The following SNX22 variants were observed in gnomAD, a reference collection of about 807,000 sequenced individuals.
SNX22 encodes the protein sorting nexin 22.
In SNX22, 23 loss-of-function variants were observed where a neutral mutation model predicts 24.7. The ratio of observed to expected loss-of-function variants is 0.93; its 90% CI spans 0.67 to 1.32. SNX22 has a LOEUF of 1.32. SNX22 is among the 40% of genes most tolerant of loss of function. SNX22 has a pLI of 0.00. For synonymous variants in SNX22, 99 were observed against 104.0 expected (o/e 0.95, Z 0.29); for missense variants, 261 against 249.9 (o/e 1.04, Z -0.30).
In SNX22 at chr15:64,156,919, A is replaced by AAGAC; in HGVS notation, c.*2415_*2418dup. On this transcript the variant is annotated 3_prime_UTR_variant, in exon 7 of 7. Coordinates refer to ENST00000325881, the MANE Select transcript of SNX22 (RefSeq NM_024798.3). This position sits in a 1 kb window ranked among gnomAD's most constrained non-coding sequence, Gnocchi z 6.4. ...CCGTAGATGCTCTTTCCTGGGAAAA[A>AAGAC]AGACAGAGCAGGTCAGGGGCGCTGG... is the stretch of plus-strand genomic sequence containing the variant. 1 of 1,613,952 alleles carries AAGAC rather than the reference A, an allele frequency of 6.2e-7. No individual in the cohort carries two copies. Among genetic ancestry groups the AAGAC allele is most frequent in the Non-Finnish European group, 8.5e-7 (1 of 1,179,912 alleles).
intron 6 of SNX22, 127 bp from the exon 7 acceptor site, chr15:64,154,260 T>C (rs2081510205): frequency 1.3e-6 from 2 of 1,579,462 alleles, no homozygotes; most frequent in African/African-American, 1.4e-5. Context: ...GAGGCTTCAT[T>C]TGGGGTGGAC....
chr15:64,152,266 C>T lies in SNX22; in HGVS notation c.99C>T (p.Cys33=). The change falls in exon 2 of 7, where the codon TGC becomes TGT. Residue 33 remains cysteine (C), a synonymous_variant. Transcript: ENST00000325881. The stretch of plus-strand genomic sequence containing the variant: ...AGGTGTTCCGAGTGGAGGTGCTGTG[C>T]AGCGGGCGCAGACACACGGTGCCAA... ...SHMVFRVEVL[C]SGRRHTVPRR... is the part of the protein sequence containing the mutation. 6.8e-7 allele frequency: 1 copy of T among 1,472,056 alleles called. No individual in the cohort carries two copies. Among genetic ancestry groups the T allele is most frequent in the South Asian group, 1.3e-5 (1 of 75,526 alleles). The allele number at this position is 1,472,056 out of a possible 1,614,324, so 91.2% of individuals were successfully genotyped here.
At chr15:64,153,783 TGAA>T in intron 5 of SNX22, 99 bp downstream of exon 5, 1 of 1,599,436 alleles carries the variant, frequency 6.3e-7, no homozygotes, top group South Asian at 1.1e-5. Flanking sequence ...GCCTGGGCCC[TGAA>T]GTCTGTTTTC....
At position 64,154,881 on chromosome 15, in the gene SNX22, T is replaced by C. The variant is rs2140178668; in HGVS notation, c.*373T>C. 1 of 153,640 alleles carries C rather than the reference T, an allele frequency of 6.5e-6. No homozygotes were observed. The allele number at this position is 153,640 out of a possible 1,614,324, so 9.5% of individuals were successfully genotyped here. A position where few individuals can be genotyped will look rare whatever the true frequency, so the allele number is the denominator to read the frequency against. On this transcript the variant is annotated 3_prime_UTR_variant, in exon 7 of 7. Coordinates refer to ENST00000325881, the MANE Select transcript of SNX22 (RefSeq NM_024798.3). ...GGAGAAACCCCGTCTCTACTAAAAATACAAAATTAGCCGGGCATTGTGGTG... is the reference window on the plus strand; with the variant it reads ...GGAGAAACCCCGTCTCTACTAAAAACACAAAATTAGCCGGGCATTGTGGTG...
In SNX22 at chr15:64,153,665, T is replaced by C. The variant is rs1418573631; in HGVS notation, c.373T>C (p.Phe125Leu). ...KASNWGTLRE[F>L]LPGDSSSQQH... ...TCTTCTCTTCAGCACCCTGAGGGAG[T>C]TCCTGCCTGGCGACAGCAGGCAAGT... is the stretch of plus-strand genomic sequence containing the variant. Residue 125 changes from phenylalanine (F) to leucine (L), a missense_variant, in exon 5 of 7, where the codon TTC becomes CTC. Physicochemically the swap from Phe to Leu is conservative, Grantham distance 22 (BLOSUM62 0). Transcript: ENST00000325881. The C allele has an allele frequency of 1.2e-6, 2 of 1,613,814 alleles. No individual in the cohort carries two copies. Among genetic ancestry groups the C allele is most frequent in the Non-Finnish European group, 1.7e-6 (2 of 1,179,988 alleles).
At position 64,153,696 on chromosome 15, in the gene SNX22, C is replaced by T. The variant is rs1427899219; in HGVS notation, c.392+12C>T. On this transcript the variant is annotated intron_variant, in intron 5 of 6. Transcript: ENST00000325881. ...CCTGGCGACAGCAGGCAAGTCAAAGCCCTAGCCCGCGCTTGGCCCCTGCTG... is the reference window on the plus strand; with the variant it reads ...CCTGGCGACAGCAGGCAAGTCAAAGTCCTAGCCCGCGCTTGGCCCCTGCTG... The T allele has an allele frequency of 6.2e-7, 1 of 1,614,074 alleles. No homozygotes were observed. The highest frequency in any genetic ancestry group is 8.5e-7 in the Non-Finnish European group (1 of 1,179,998).
At chr15:64,152,427 C>T (rs2081493620) in intron 2 of SNX22, 101 bp downstream of exon 2, 1 of 1,313,790 alleles carries the variant, frequency 7.6e-7, no homozygotes, top group Admixed American at 2.3e-5. Flanking sequence ...TCCGCCACCC[C>T]CATTACTGCC....
At chr15:64,154,120 C>G in intron 6 of SNX22, 118 bp downstream of exon 6, 1 of 1,607,086 alleles carries the variant, frequency 6.2e-7, no homozygotes. Flanking sequence ...GCCACTACCT[C>G]CTGCTCCTGT....
Position 64,156,557 on chromosome 15 carries a change from C to G in SNX22, c.*2049C>G. 2 of 880,656 alleles carry G rather than the reference C, an allele frequency of 2.3e-6. No individual in the cohort carries two copies. Among genetic ancestry groups the G allele is most frequent in the Non-Finnish European group, 3.7e-6 (2 of 535,428 alleles). The allele number at this position is 880,656 out of a possible 1,614,324, so 54.6% of individuals were successfully genotyped here. Reference sequence around the variant, plus strand: ...CTGAGGGGGCTGGAAGAATTTAGAACCTTGGAGGCATGGAGGTACAGGGTT... The same window carrying G: ...CTGAGGGGGCTGGAAGAATTTAGAAGCTTGGAGGCATGGAGGTACAGGGTT... On this transcript the variant is annotated 3_prime_UTR_variant, in exon 7 of 7. Transcript: ENST00000325881. This position sits in a 1 kb window ranked among gnomAD's most constrained non-coding sequence, Gnocchi z 6.4.
rs764385932 is a variant in SNX22 at position 64,152,350 on chromosome 15, C to A, written c.159+24C>A. On this transcript the variant is annotated intron_variant, in intron 2 of 6. Coordinates refer to ENST00000325881, the MANE Select transcript of SNX22 (RefSeq NM_024798.3). ...GGGTGAGGCGGCGCCGACCTCCCAC[C>A]GGCCCCGGCCCAGCCTCTGTCCAGC... The A allele has an allele frequency of 8.7e-6, 13 of 1,494,846 alleles. No homozygotes were observed. In the South Asian group the frequency reaches 1.4e-4, roughly 16 times the overall value. The allele number at this position is 1,494,846 out of a possible 1,614,324, so 92.6% of individuals were successfully genotyped here.
At chr15:64,152,007 T>G in intron 1 of SNX22, 157 bp downstream of exon 1, 1 of 838,306 alleles carries the variant, frequency 1.2e-6, no homozygotes, top group Non-Finnish European at 1.7e-6. Context: ...CGCTTGGATT[T>G]GCCAGCCTCG....
rs2081511101 is a variant in SNX22, at chr15:64,154,380, C to T, written c.461-7C>T. 1 of 1,613,978 alleles carries T rather than the reference C, an allele frequency of 6.2e-7. No homozygotes were observed. Among genetic ancestry groups the T allele is most frequent in the African/African-American group, 1.3e-5 (1 of 74,922 alleles). On this transcript the variant is annotated splice_region_variant and splice_polypyrimidine_tract_variant and intron_variant, in intron 6 of 6. Coordinates refer to ENST00000325881, the MANE Select transcript of SNX22 (RefSeq NM_024798.3). ...TGAGGCCAGACCTGTTTAATTCTAT[C>T]CCACAGAGTCGCTGCCCAACGTGGT...
rs2241995 is a variant in SNX22 at position 64,156,970 on chromosome 15, G to A, written c.*2462G>A. 1.4e-3 allele frequency: 2,173 copies of A among 1,562,026 alleles called. 16 individuals are homozygous for A. In the East Asian group the frequency reaches 0.018, roughly 13 times the overall value. On this transcript the variant is annotated 3_prime_UTR_variant, in exon 7 of 7. Coordinates refer to ENST00000325881, the MANE Select transcript of SNX22 (RefSeq NM_024798.3). The surrounding 1 kb of genome is among the most constrained non-coding windows in gnomAD (Gnocchi z 6.4). ...ATTGCGCCAAACCAAGCAGACATTC[G>A]GGGCCAGGACTGAGGGGGCTTAACC...
chr15:64,153,664 G>T lies in SNX22; in HGVS notation c.372G>T (p.Glu124Asp), dbSNP rs1264867914. ...CTCTTCTCTTCAGCACCCTGAGGGA[G>T]TTCCTGCCTGGCGACAGCAGGCAAG... ...PKASNWGTLREFLPGDSSSQQ... is the reference protein window; with the variant it reads ...PKASNWGTLRDFLPGDSSSQQ... Residue 124 changes from glutamate (E) to aspartate (D), a missense_variant, in exon 5 of 7, where the codon GAG (glutamate) becomes GAT (aspartate). Coordinates refer to ENST00000325881, the MANE Select transcript of SNX22 (RefSeq NM_024798.3). 1 of 1,614,102 alleles carries T rather than the reference G, an allele frequency of 6.2e-7. No individual in the cohort carries two copies. The highest frequency in any genetic ancestry group is 1.1e-5 in the South Asian group (1 of 91,080).
Position 64,156,095 on chromosome 15 carries a change from G to A in SNX22, c.*1587G>A. ...AGTCTGCGATGATCACATCCTTCAGGGGTTTATCCCGGCTGTCTGTCTTGG... is the reference window on the plus strand; with the variant it reads ...AGTCTGCGATGATCACATCCTTCAGAGGTTTATCCCGGCTGTCTGTCTTGG... On this transcript the variant is annotated 3_prime_UTR_variant, in exon 7 of 7. Transcript: ENST00000325881. This position sits in a 1 kb window ranked among gnomAD's most constrained non-coding sequence, Gnocchi z 6.4. 1 of 1,614,148 alleles carries A rather than the reference G, an allele frequency of 6.2e-7. No individual in the cohort carries two copies. The highest frequency in any genetic ancestry group is 8.5e-7 in the Non-Finnish European group (1 of 1,180,026).
At chr15:64,153,605 C>G in intron 4 of SNX22, 47 bp from the exon 5 acceptor site, 2 of 1,613,122 alleles carry the variant, frequency 1.2e-6, no homozygotes, top group Non-Finnish European at 1.7e-6. Flanking sequence ...CTTCCTCACG[C>G]TCCCCCGGCA....
At chr15:64,154,318 C>A in intron 6 of SNX22, 69 bp from the exon 7 acceptor site, 6 of 1,601,752 alleles carry the variant, frequency 3.7e-6, no homozygotes, top group Non-Finnish European at 5.1e-6. Flanking sequence ...CAAGTGGGGG[C>A]TGAGCCCATG....
At chr15:64,153,837 C>T in intron 5 of SNX22, 98 bp from the exon 6 acceptor site, 2 of 1,592,204 alleles carry the variant, frequency 1.3e-6, no homozygotes, top group South Asian at 2.2e-5. Context: ...TCACCTTTTC[C>T]TTCATGGGTC....
Position 64,151,799 on chromosome 15 carries a change from G to A in SNX22, c.24G>A (p.Ser8=), listed in dbSNP as rs1192920765. ...GGATGCTGGAAGTTCACATCCCGTC[G>A]GTGGGGCCCGAGGCCGAGGGGCCCA... MLEVHIP[S]VGPEAEGPRQ... Residue 8 remains serine, a synonymous_variant, in exon 1 of 7, where the codon TCG becomes TCA. Coordinates refer to ENST00000325881, the MANE Select transcript of SNX22 (RefSeq NM_024798.3). 1.3e-6 allele frequency: 2 copies of A among 1,537,932 alleles called. No homozygotes were observed. Among genetic ancestry groups the A allele is most frequent in the African/African-American group, 2.8e-5 (2 of 71,530 alleles).
Sources: gnomAD v4.1 joint callset for allele counts on GRCh38, gnomAD v4.1.1 for gene constraint, Gnocchi (gnomAD v3.1) non-coding constraint, MANE v1.5 for transcripts, NCBI Gene and HGNC (gene_info 2026-07-23, HGNC 2026-07-21) for gene names.